Variants in PIK3CD observed in about 807,000 individuals in gnomAD.
PIK3CD encodes the protein phosphatidylinositol-4,5-bisphosphate 3-kinase catalytic subunit delta.
PIK3CD carries 20 observed loss-of-function variants against 122.9 expected under a neutral mutation model. The ratio of observed to expected loss-of-function variants is 0.16; its 90% confidence interval spans 0.11 to 0.24. The LOEUF (loss-of-function observed/expected upper bound fraction) is 0.24, where lower values mean the gene tolerates loss of function less well. Ranked by LOEUF, PIK3CD falls within the 10% of genes least tolerant of loss-of-function variation. The pLI is 1.00. For missense variants in PIK3CD, 787 were observed against 1,406.3 expected, an observed-to-expected ratio of 0.56 and a Z score of 7.04; for synonymous variants, 596 against 593.4, an observed-to-expected ratio of 1.00 and a Z score of -0.06.
intron 5 of PIK3CD, 86 bp downstream of exon 5, chr1:9,716,164 C>A: frequency 8.8e-7 from 1 of 1,139,154 alleles, no homozygotes; most frequent in Non-Finnish European, 1.3e-6. Context: ...CATCCGCAAG[C>A]CCCCCTCCCC....
chr1:9,702,138 G>T (rs2100645659), intron 2 of PIK3CD, among the ~76,000 whole-genome samples: 1 of 151,980 alleles, frequency 6.6e-6, no homozygotes, highest in South Asian at 2.1e-4. Flanking sequence ...GGGATTACAG[G>T]CAAGAACCAC....
intron 1 of PIK3CD, chr1:9,654,555 G>A (rs1311072008): frequency 2.0e-6 from 1 of 494,228 alleles, no homozygotes; most frequent in African/African-American, 2.0e-5. Context: ...GTGAGAGTCG[G>A]TTCCTGCTTC....
chr1:9,721,074 C>A, intron 13 of PIK3CD, 53 bp from the exon 14 acceptor site: 1 of 1,513,168 alleles, frequency 6.6e-7, no homozygotes. Flanking sequence ...CTTACCCTGA[C>A]CACCTCCACC....
chr1:9,661,975 G>A (rs956585073), intron 1 of PIK3CD, among the ~76,000 whole-genome samples: 12 of 152,044 alleles, frequency 7.9e-5, no homozygotes, highest in Admixed American at 7.9e-4. Context: ...CAGCCTGGGT[G>A]ACAGAGTGAG....
In PIK3CD at chr1:9,721,161, C is replaced by A; in HGVS notation, c.1724C>A (p.Pro575His). Residue 575 changes from proline to histidine, a missense_variant, in exon 14 of 24, where the codon CCC (proline) becomes CAC (histidine). By Grantham distance (77) the Pro-to-His change is moderately conservative (BLOSUM62 -2). This residue lies in a region of PIK3CD where 592 missense variants were observed against 920.6 expected (regional missense o/e 0.64). Coordinates refer to ENST00000377346, the MANE Select transcript of PIK3CD (RefSeq NM_005026.5). ...LYLLCSWPEL[P>H]VLSALELLDF... ...CTGCTGTGCTCCTGGCCGGAGCTGC[C>A]CGTCCTGAGCGCCCTGGAGCTGCTA... is the stretch of plus-strand genomic sequence containing the variant. 6.2e-7 allele frequency: 1 copy of A among 1,612,958 alleles called. No homozygotes were observed. Among genetic ancestry groups the A allele is most frequent in the Non-Finnish European group, 8.5e-7 (1 of 1,179,964 alleles).
rs767467135 is a variant in PIK3CD at position 9,721,848 on chromosome 1, G to A, written c.2043G>A (p.Val681=). 1.9e-6 allele frequency: 3 copies of A among 1,613,170 alleles called. No individual in the cohort carries two copies. The Admixed American group carries it at 5.0e-5, about 27-fold the overall frequency. The change falls in exon 16 of 24, where the codon GTG becomes GTA. Residue 681 remains valine, a synonymous_variant. Coordinates refer to ENST00000377346, the MANE Select transcript of PIK3CD (RefSeq NM_005026.5). ...YCRGSTHHMK[V]LMKQGEALSK... is the part of the protein sequence containing the mutation. ...GGGGCAGCACCCACCACATGAAGGT[G>A]CTGATGAAGCAGGTGAGGCCCAAGG...
chr1:9,708,972 G>A (rs1557651610), intron 2 of PIK3CD, among the ~76,000 whole-genome samples: 1 of 152,088 alleles, frequency 6.6e-6, no homozygotes, highest in African/African-American at 2.4e-5. Context: ...GGTCCTTTGT[G>A]TTTGTAACAT....
chr1:9,721,721 G>C (rs1170160398), intron 15 of PIK3CD, 40 bp from the exon 16 acceptor site: 1 of 1,607,634 alleles, frequency 6.2e-7, no homozygotes, highest in Non-Finnish European at 8.5e-7. Context: ...GGGCTGCGTG[G>C]TGCTGCCTGG....
In PIK3CD at chr1:9,720,729, C is replaced by A; in HGVS notation, c.1522-13C>A. 9 of 1,609,976 alleles carry A rather than the reference C, an allele frequency of 5.6e-6. No individual in the cohort carries two copies. The highest frequency in any genetic ancestry group is 7.6e-6 in the Non-Finnish European group (9 of 1,178,910). On this transcript the variant is annotated splice_polypyrimidine_tract_variant and intron_variant, in intron 12 of 23. Transcript: ENST00000377346. This position sits in a 1 kb window ranked among gnomAD's most constrained non-coding sequence, Gnocchi z 9.0. Reference sequence around the variant, plus strand: ...GTGGAACCAGAGCCCTCACTCCTGCCCACACCCCTCAGCAGCTGCAGCTGC... The same window carrying A: ...GTGGAACCAGAGCCCTCACTCCTGCACACACCCCTCAGCAGCTGCAGCTGC...
intron 2 of PIK3CD, among the ~76,000 whole-genome samples, chr1:9,697,979 C>T (rs1416215413): frequency 1.3e-5 from 2 of 151,656 alleles, no homozygotes; most frequent in Non-Finnish European, 2.9e-5. Flanking sequence ...TGCAGTGAGC[C>T]GAGATTGCAC....
rs1358131048 is a variant in PIK3CD at position 9,728,743 on chromosome 1, C to G, written c.*1697C>G. The stretch of plus-strand genomic sequence containing the variant: ...GGGAGCACACTTTGCAAAGCCACAG[C>G]GTTTCTGGTTTTGGGTGTACAGTCT... On this transcript the variant is annotated 3_prime_UTR_variant, in exon 24 of 24. Coordinates refer to ENST00000377346, the MANE Select transcript of PIK3CD (RefSeq NM_005026.5). 6.6e-6 allele frequency: 1 copy of G among 152,176 alleles called. No homozygotes were observed. Among genetic ancestry groups the G allele is most frequent in the Non-Finnish European group, 1.5e-5 (1 of 68,032 alleles). 9.4% of individuals were successfully genotyped at this position (152,176 alleles called of 1,614,324 possible).
chr1:9,725,927 A>G (rs1649486188), intron 23 of PIK3CD, among the ~76,000 whole-genome samples: 1 of 152,014 alleles, frequency 6.6e-6, no homozygotes, highest in Non-Finnish European at 1.5e-5. Context: ...ATATTTTTCC[A>G]GGCTGGGCAT....
In PIK3CD at chr1:9,652,937, C is replaced by T. The variant is rs1644724252; in HGVS notation, c.-138+1135C>T. 6.6e-6 allele frequency: 1 copy of T among 152,312 alleles called. No individual in the cohort carries two copies. Among genetic ancestry groups the T allele is most frequent in the East Asian group, 1.9e-4 (1 of 5,186 alleles). The allele number at this position is 152,312 out of a possible 1,614,324, so 9.4% of individuals were successfully genotyped here. On this transcript the variant is annotated intron_variant, in intron 1 of 23. Coordinates refer to ENST00000377346, the MANE Select transcript of PIK3CD (RefSeq NM_005026.5). This position sits in a 1 kb window ranked among gnomAD's most constrained non-coding sequence, Gnocchi z 6.2. ...CCCAGTTTGCGGATGGAGCGCGGGGCTGATCGGGCAGGTCTCACTTGTGCA... is the reference window on the plus strand; with the variant it reads ...CCCAGTTTGCGGATGGAGCGCGGGGTTGATCGGGCAGGTCTCACTTGTGCA...
At chr1:9,695,219 T>C (rs749030095) in intron 2 of PIK3CD, among the ~76,000 whole-genome samples, 4 of 150,866 alleles carry the variant, frequency 2.7e-5, no homozygotes, top group Non-Finnish European at 3.0e-5. Context: ...ACTTAAGAGA[T>C]GGAAAATAGG....
intron 1 of PIK3CD, among the ~76,000 whole-genome samples, chr1:9,662,095 G>T (rs1645025916): frequency 6.6e-6 from 1 of 152,202 alleles, no homozygotes; most frequent in Non-Finnish European, 1.5e-5. Flanking sequence ...AACCAGGGAG[G>T]CGGAGGTTGC....
upstream of PIK3CD, among the ~76,000 whole-genome samples, chr1:9,646,944 C>CAA (rs564896067): frequency 8.4e-3 from 967 of 114,550 alleles, 8 homozygotes; most frequent in Middle Eastern, 0.054. Context: ...GACTCCATCT[C>CAA]AAAAAAAAAA....
At chr1:9,636,900 C>CT in the PIK3CD span, among the ~76,000 whole-genome samples, 17,171 of 148,094 alleles carry the variant, frequency 0.12, 2,190 homozygotes, top group East Asian at 0.45. Context: ...CTTTTCTTTT[C>CT]TTTCTTTTTT....
the PIK3CD span, among the ~76,000 whole-genome samples, chr1:9,635,685 C>T: frequency 3.3e-5 from 5 of 152,192 alleles, no homozygotes; most frequent in African/African-American, 4.8e-5. Flanking sequence ...CTCCTAGAGC[C>T]GGAGCTGGGC....
chr1:9,627,510 G>A, the PIK3CD span, among the ~76,000 whole-genome samples: 1 of 152,262 alleles, frequency 6.6e-6, no homozygotes, highest in Non-Finnish European at 1.5e-5. Context: ...GCCCGTCAGT[G>A]GGAGCATGAC....
Sources: gnomAD v4.1 joint callset for allele counts (sites outside exome capture counted in the v4.1 genomes callset) on GRCh38, gnomAD v4.1.1 for gene constraint, gnomAD v4.1.1 regional missense constraint, Gnocchi (gnomAD v3.1) non-coding constraint, MANE v1.5 for transcripts, NCBI Gene and HGNC (gene_info 2026-07-23, HGNC 2026-07-21) for gene names.